MAGI2: variants seen among roughly 807,000 people sequenced by gnomAD.
MAGI2 encodes membrane-associated guanylate kinase, WW and PDZ domain-containing protein 2.
In MAGI2, 35 loss-of-function variants were observed where a neutral mutation model predicts 133.3. The observed-to-expected ratio is 0.26, with a 90% CI of 0.20 to 0.35. The LOEUF is 0.35. Among genes scored for constraint, MAGI2 ranks in the 10% least tolerant of loss-of-function variants. MAGI2 has a pLI of 1.00. For synonymous variants in MAGI2, 729 were observed against 710.6 expected, an observed-to-expected ratio of 1.03 and a Z score of -0.41; for missense variants, 1,636 against 1,863.4, an observed-to-expected ratio of 0.88 and a Z score of 2.25.
chr7:78,655,445 A>G (rs1288648794), intron 2 of MAGI2, among the ~76,000 whole-genome samples: 1 of 128,712 alleles, frequency 7.8e-6, no homozygotes, highest in Non-Finnish European at 1.6e-5. Flanking sequence ...ACAAACAAAA[A>G]AAAACAACCA....
intron 1 of MAGI2, among the ~76,000 whole-genome samples, chr7:79,081,941 T>C (rs563766261): frequency 6.6e-6 from 1 of 152,250 alleles, no homozygotes; most frequent in African/African-American, 2.4e-5. Context: ...GCTATGAACA[T>C]TCATGTGTAA....
intron 21 of MAGI2, among the ~76,000 whole-genome samples, chr7:78,061,376 G>T (rs1813235867): frequency 1.3e-5 from 2 of 148,828 alleles, no homozygotes; most frequent in Admixed American, 1.3e-4. Context: ...TGTGGGAAAT[G>T]AAAGAAGTAT....
At chr7:78,188,355 A>T (rs1447641990) in intron 12 of MAGI2, among the ~76,000 whole-genome samples, 6 of 152,204 alleles carry the variant, frequency 3.9e-5, no homozygotes, top group Non-Finnish European at 8.8e-5. Flanking sequence ...ACAATGTGAT[A>T]TATTAGAAAA....
intron 3 of MAGI2, among the ~76,000 whole-genome samples, chr7:78,532,721 G>A (rs927009827): frequency 2.6e-5 from 4 of 152,146 alleles, no homozygotes; most frequent in South Asian, 2.1e-4. Flanking sequence ...TAGTACTAAC[G>A]CATAAGTCAG....
At chr7:79,212,233 A>T (rs961560790) in intron 1 of MAGI2, among the ~76,000 whole-genome samples, 2 of 152,006 alleles carry the variant, frequency 1.3e-5, no homozygotes, top group Admixed American at 6.6e-5. Flanking sequence ...ATTCCATGGG[A>T]TGCATTTAAT....
At chr7:79,417,668 C>T (rs1846627414) in intron 1 of MAGI2, among the ~76,000 whole-genome samples, 1 of 151,968 alleles carries the variant, frequency 6.6e-6, no homozygotes, top group Non-Finnish European at 1.5e-5. Flanking sequence ...CATTTTAATT[C>T]CTGTGATCCT....
At chr7:78,243,178 G>C (rs1791338505) in intron 10 of MAGI2, among the ~76,000 whole-genome samples, 2 of 151,392 alleles carry the variant, frequency 1.3e-5, no homozygotes, top group South Asian at 2.1e-4. Flanking sequence ...AAATATTTGG[G>C]GGTAAAGGAA....
At chr7:79,316,161 A>G (rs77314324) in intron 1 of MAGI2, among the ~76,000 whole-genome samples, 2,061 of 152,244 alleles carry the variant, frequency 0.014, 48 homozygotes, top group African/African-American at 0.047. Flanking sequence ...AATGTATGGT[A>G]GTTAGATGGA....
chr7:78,746,753 G>A (rs1160592883), intron 2 of MAGI2, among the ~76,000 whole-genome samples: 1 of 152,066 alleles, frequency 6.6e-6, no homozygotes, highest in Admixed American at 6.6e-5. Flanking sequence ...CAGGTATCAG[G>A]TTTTGATTTA....
intron 9 of MAGI2, among the ~76,000 whole-genome samples, chr7:78,302,366 T>C (rs193113347): frequency 9.2e-5 from 14 of 152,324 alleles, no homozygotes; most frequent in Admixed American, 8.5e-4. Context: ...ATCTAGGGAA[T>C]ATAACGTGGT....
rs377136400 is a variant in MAGI2, at chr7:78,596,889, T to C, written c.538+30231A>G. ...ACATGAATGGGTCTATCACATAAAA[T>C]AATTAGCTGGAGTGGAGCATAAATT... On this transcript the variant is annotated intron_variant, in intron 3 of 21. Coordinates refer to ENST00000354212, the MANE Select transcript of MAGI2 (RefSeq NM_012301.4). 2.6e-5 allele frequency among the ~76,000 whole-genome samples: 4 copies of C among 152,150 alleles called. No individual in the cohort carries two copies. The East Asian group carries it at 7.7e-4, about 29-fold the overall frequency.
At chr7:78,092,423 T>C (rs1024190044) in intron 20 of MAGI2, among the ~76,000 whole-genome samples, 4 of 152,218 alleles carry the variant, frequency 2.6e-5, no homozygotes, top group African/African-American at 4.8e-5. Flanking sequence ...TAAAGTCACA[T>C]ATTAATTACT....
chr7:78,327,320 ATC>A (rs1474040012), intron 9 of MAGI2, among the ~76,000 whole-genome samples: 1 of 152,148 alleles, frequency 6.6e-6, no homozygotes, highest in Non-Finnish European at 1.5e-5. Flanking sequence ...CTCTCCTGCC[ATC>A]TCTCTCCAAT....
At chr7:78,271,201 C>T (rs2150985994) in intron 9 of MAGI2, among the ~76,000 whole-genome samples, 1 of 152,226 alleles carries the variant, frequency 6.6e-6, no homozygotes, top group East Asian at 1.9e-4. Flanking sequence ...TTATCAAAGG[C>T]CTTTTCTGCA....
In MAGI2 at chr7:79,032,652, A is replaced by G. The variant is rs1053089340; in HGVS notation, c.302-25446T>C. ...TTTTTAAAAATATGTAAAAATCTGA[A>G]GCACTCTATCTGTAGCTTTCAGGGA... On this transcript the variant is annotated intron_variant, in intron 1 of 21. Coordinates refer to ENST00000354212, the MANE Select transcript of MAGI2 (RefSeq NM_012301.4). Among the ~76,000 whole-genome samples the G allele has an allele frequency of 2.6e-5, 4 of 152,242 alleles. 1 individual carries two copies. Among genetic ancestry groups the G allele is most frequent in the Admixed American group, 2.6e-4 (4 of 15,296 alleles).
chr7:79,013,097 C>T (rs1431888036), intron 1 of MAGI2, among the ~76,000 whole-genome samples: 1 of 152,120 alleles, frequency 6.6e-6, no homozygotes, highest in Non-Finnish European at 1.5e-5. Flanking sequence ...GACCAAATAA[C>T]ATCTCCTCTA....
intron 2 of MAGI2, among the ~76,000 whole-genome samples, chr7:78,636,833 CAA>C (rs1262863434): frequency 6.6e-6 from 1 of 151,696 alleles, no homozygotes; most frequent in Non-Finnish European, 1.5e-5. Flanking sequence ...CAAACAAAAA[CAA>C]CACACAAAAA....
chr7:78,325,292 CTG>C (rs1788469916), intron 9 of MAGI2, among the ~76,000 whole-genome samples: 1 of 152,258 alleles, frequency 6.6e-6, no homozygotes, highest in East Asian at 1.9e-4. Context: ...AGCTATGAAA[CTG>C]AGAACCAATT....
At chr7:78,552,767 AAG>A (rs1172039370) in intron 3 of MAGI2, among the ~76,000 whole-genome samples, 2 of 152,170 alleles carry the variant, frequency 1.3e-5, no homozygotes, top group African/African-American at 4.8e-5. Flanking sequence ...CCCTGAGCCA[AAG>A]AGAAACATGA....
Sources: allele counts gnomAD v4.1 joint callset (sites outside exome capture counted in the v4.1 genomes callset), GRCh38; gene constraint gnomAD v4.1.1; transcripts MANE v1.5; gene names NCBI Gene and HGNC (gene_info 2026-07-23, HGNC 2026-07-21).